The following MCPH1 variants were observed in gnomAD, a reference collection of about 807,000 sequenced individuals.
MCPH1 encodes microcephalin.
A neutral mutation model predicts 84.5 loss-of-function variants in MCPH1; 104 were observed. That is an observed-to-expected ratio of 1.23 (90% CI 1.05 to 1.45). The LOEUF (loss-of-function observed/expected upper bound fraction) is 1.45, where lower values mean the gene tolerates loss of function less well. Ranked by LOEUF, MCPH1 falls within the 40% of genes most tolerant of loss-of-function variation. The pLI is 0.00. For missense variants in MCPH1, 1,498 were observed against 1,005.7 expected (o/e 1.49, Z -6.62); for synonymous variants, 514 against 366.8 (o/e 1.40, Z -4.58).
intron 13 of MCPH1, chr8:6,642,738 C>A (rs1262304708): frequency 1.8e-6 from 1 of 543,362 alleles, no homozygotes; most frequent in East Asian, 3.4e-5. Flanking sequence ...ACGTGCCCTG[C>A]ATCTAATGGG....
intron 12 of MCPH1, among the ~76,000 whole-genome samples, chr8:6,523,514 A>G (rs1179658906): frequency 1.3e-5 from 2 of 152,232 alleles, no homozygotes; most frequent in Non-Finnish European, 2.9e-5. Context: ...GAGACTATGT[A>G]TTTGAGAATG....
intron 8 of MCPH1, chr8:6,447,138 A>G (rs1276249976): frequency 1.0e-6 from 1 of 985,430 alleles, no homozygotes; most frequent in Non-Finnish European, 1.2e-6. Flanking sequence ...ACATAAAAAG[A>G]CCTACATGTT....
intron 1 of MCPH1, among the ~76,000 whole-genome samples, chr8:6,407,741 C>G (rs554376419): frequency 3.3e-5 from 5 of 152,286 alleles, no homozygotes; most frequent in Non-Finnish European, 7.4e-5. Flanking sequence ...CTGGAAAATG[C>G]TTTTAAACAT....
intron 7 of MCPH1, among the ~76,000 whole-genome samples, chr8:6,443,645 A>G (rs953889939): frequency 6.6e-6 from 1 of 152,196 alleles, no homozygotes; most frequent in Non-Finnish European, 1.5e-5. Context: ...CCACGTAACC[A>G]TGGGGCAGTA....
intron 12 of MCPH1, among the ~76,000 whole-genome samples, chr8:6,579,182 TC>T (rs1216915355): frequency 1.3e-5 from 2 of 152,214 alleles, no homozygotes; most frequent in African/African-American, 4.8e-5. Flanking sequence ...ACCTGTAGCC[TC>T]TAGCCCTCTT....
At position 6,648,094 on chromosome 8, in the gene MCPH1, T is replaced by C. The variant is rs1034989832; in HGVS notation, c.*5045T>C. Reference sequence around the variant, plus strand: ...TTAAGGTCGGCCTTGGCTTTCAAGTTAAGGCCATGGTCTTTCTCTGCAGTC... The same window carrying C: ...TTAAGGTCGGCCTTGGCTTTCAAGTCAAGGCCATGGTCTTTCTCTGCAGTC... On this transcript the variant is annotated 3_prime_UTR_variant, in exon 14 of 14. Transcript: ENST00000344683. The C allele has an allele frequency of 5.9e-5, 9 of 152,178 alleles. No individual in the cohort carries two copies. The highest frequency in any genetic ancestry group is 2.2e-4 in the African/African-American group (9 of 41,434). 9.4% of individuals were successfully genotyped at this position (152,178 alleles called of 1,614,324 possible).
intron 9 of MCPH1, among the ~76,000 whole-genome samples, chr8:6,463,750 C>T (rs763936637): frequency 1.2e-4 from 19 of 152,158 alleles, no homozygotes; most frequent in Admixed American, 9.2e-4. Context: ...GGATTATTTT[C>T]CTGGCGTTTC....
At chr8:6,561,706 A>AAT (rs1243013309) in intron 12 of MCPH1, among the ~76,000 whole-genome samples, 4 of 152,256 alleles carry the variant, frequency 2.6e-5, no homozygotes, top group African/African-American at 9.6e-5. Context: ...CTTCCTTTAG[A>AAT]ATATATATAG....
chr8:6,569,488 T>G (rs1360558264), intron 12 of MCPH1, among the ~76,000 whole-genome samples: 1 of 152,150 alleles, frequency 6.6e-6, no homozygotes, highest in Non-Finnish European at 1.5e-5. Context: ...GTTCCAGCCA[T>G]GGGATTTCAA....
intron 12 of MCPH1, among the ~76,000 whole-genome samples, chr8:6,567,987 C>T (rs1826339942): frequency 6.6e-6 from 1 of 152,150 alleles, no homozygotes; most frequent in South Asian, 2.1e-4. Context: ...TTTGTTTTCT[C>T]CCCCATATTC....
At position 6,444,936 on chromosome 8, in the gene MCPH1, T is replaced by C. The variant is rs556803400; in HGVS notation, c.1214T>C (p.Leu405Pro). 1.7e-4 allele frequency: 280 copies of C among 1,614,220 alleles called. 1 individual carries two copies. In the East Asian group the frequency reaches 5.8e-3, roughly 33 times the overall value. Reference protein sequence around the residue: ...QHVAGPALEALSCGESSYDDY... With the variant: ...QHVAGPALEAPSCGESSYDDY... ...GTGGCGGGACCTGCCCTGGAGGCTC[T>C]TAGCTGTGGGGAGTCTTCATATGAT... Residue 405 changes from leucine (L) to proline (P), a missense_variant, in exon 8 of 14, where the codon CTT becomes CCT. Leu to Pro is a moderately conservative substitution (Grantham distance 98). Transcript: ENST00000344683.
At chr8:6,427,715 T>G (rs1309247135) in intron 3 of MCPH1, among the ~76,000 whole-genome samples, 3 of 151,888 alleles carry the variant, frequency 2.0e-5, no homozygotes, top group Non-Finnish European at 4.4e-5. Context: ...CTCTGTTACT[T>G]GTGGTGGGAG....
chr8:6,488,844 T>C (rs1810245893), intron 11 of MCPH1, among the ~76,000 whole-genome samples: 1 of 151,946 alleles, frequency 6.6e-6, no homozygotes, highest in Non-Finnish European at 1.5e-5. Flanking sequence ...AGGAGGCAGC[T>C]AGGGTCATCG....
At chr8:6,501,525 A>G (rs2129562897) in intron 12 of MCPH1, 1 of 151,312 alleles carries the variant, frequency 6.6e-6, no homozygotes, top group East Asian at 1.9e-4. Context: ...CCGAGTATAA[A>G]GCTGTGTTCT....
intron 12 of MCPH1, among the ~76,000 whole-genome samples, chr8:6,570,012 A>G (rs549109694): frequency 2.0e-5 from 3 of 152,362 alleles, no homozygotes; most frequent in South Asian, 2.1e-4. Context: ...TCAAATTGTT[A>G]CTTGCTAGCT....
chr8:6,455,082 G>C lies in MCPH1; in HGVS notation c.1826-61G>C, dbSNP rs1304653391. On this transcript the variant is annotated intron_variant, in intron 8 of 13. Transcript: ENST00000344683. ...TATGCATAAATGTGATTTTTGTTTT[G>C]CTTAAGTTGTATTTGGTCCATGTAA... 7 of 1,293,438 alleles carry C rather than the reference G, an allele frequency of 5.4e-6. No individual in the cohort carries two copies. The Admixed American group carries it at 1.2e-4, about 22-fold the overall frequency. 80.1% of individuals were successfully genotyped at this position (1,293,438 alleles called of 1,614,324 possible).
In MCPH1 at chr8:6,477,602, A is replaced by G. The variant is rs747602541; in HGVS notation, c.1944A>G (p.Arg648=). The change falls in exon 10 of 14, where the codon AGA becomes AGG. Residue 648 remains arginine (R), a synonymous_variant. Transcript: ENST00000344683. ...KKSGRGKKPT[R]TLVMTSMPSE... is the part of the protein sequence containing the mutation. Reference sequence around the variant, plus strand: ...TTGTTTGAAATCTCTAGCCAACAAGAACATTAGTCATGACAAGCATGCCAT... The same window carrying G: ...TTGTTTGAAATCTCTAGCCAACAAGGACATTAGTCATGACAAGCATGCCAT... 3.5e-5 allele frequency: 56 copies of G among 1,613,160 alleles called. No individual in the cohort carries two copies. The highest frequency in any genetic ancestry group is 4.4e-5 in the Non-Finnish European group (52 of 1,179,450).
At chr8:6,424,316 T>C (rs1800723323) in intron 3 of MCPH1, among the ~76,000 whole-genome samples, 2 of 152,224 alleles carry the variant, frequency 1.3e-5, no homozygotes, top group African/African-American at 2.4e-5. Context: ...GGAATACGGT[T>C]CACAGGCTTT....
At chr8:6,416,356 AGTG>A (rs1280436858) in intron 3 of MCPH1, among the ~76,000 whole-genome samples, 2 of 152,168 alleles carry the variant, frequency 1.3e-5, no homozygotes, top group East Asian at 1.9e-4. Flanking sequence ...GTTGAATAGA[AGTG>A]GTGAGAATGG....
Sources: allele counts gnomAD v4.1 joint callset (sites outside exome capture counted in the v4.1 genomes callset), GRCh38; gene constraint gnomAD v4.1.1; transcripts MANE v1.5; gene names NCBI Gene and HGNC (gene_info 2026-07-23, HGNC 2026-07-21).